Variants in KLHL5 observed in about 807,000 individuals in gnomAD.
KLHL5 encodes kelch like family member 5.
A neutral mutation model predicts 77.7 loss-of-function variants in KLHL5; 48 were observed. That is an observed-to-expected ratio of 0.62 (90% CI 0.49 to 0.79). The LOEUF (loss-of-function observed/expected upper bound fraction) is 0.79. KLHL5 is among the 30% of genes least tolerant of loss of function. The probability of loss-of-function intolerance (pLI) is 0.00; values close to 1 mark genes in which losing one functional copy is unlikely to be tolerated. For missense variants in KLHL5, 723 were observed against 859.7 expected, an observed-to-expected ratio of 0.84 and a Z score of 1.99; for synonymous variants, 260 against 297.0, an observed-to-expected ratio of 0.88 and a Z score of 1.28.
Position 39,124,714 on chromosome 4 carries a change from T to G in KLHL5, c.*3648T>G, listed in dbSNP as rs1723417105. Among the ~76,000 whole-genome samples, 1 of 141,382 alleles carries G rather than the reference T, an allele frequency of 7.1e-6. No individual in the cohort carries two copies. The highest frequency in any genetic ancestry group is 1.5e-5 in the Non-Finnish European group (1 of 66,010). The allele number at this position is 141,382 out of a possible 152,430, so 92.8% of individuals were successfully genotyped here. On this transcript the variant is annotated 3_prime_UTR_variant, in exon 11 of 11. Coordinates refer to ENST00000504108, the MANE Select transcript of KLHL5 (RefSeq NM_015990.5). ...TGTAAGAGCTAAAACCATAAAACTTTGAGAAGAAAATACAGGAATAAATCT... is the reference window on the plus strand; with the variant it reads ...TGTAAGAGCTAAAACCATAAAACTTGGAGAAGAAAATACAGGAATAAATCT...
chr4:39,089,725 T>C (rs1424488641), intron 5 of KLHL5, among the ~76,000 whole-genome samples: 1 of 152,202 alleles, frequency 6.6e-6, no homozygotes, highest in East Asian at 1.9e-4. Context: ...AGATCAGCAC[T>C]ACTGGGGAAC....
the KLHL5 span, among the ~76,000 whole-genome samples, chr4:39,135,832 G>A: frequency 6.0e-4 from 91 of 152,112 alleles, no homozygotes; most frequent in Non-Finnish European, 1.1e-3. Flanking sequence ...TGAACCTGGG[G>A]GGCAGAGGTT....
intron 6 of KLHL5, among the ~76,000 whole-genome samples, chr4:39,101,385 A>C (rs1279345495): frequency 6.6e-6 from 1 of 151,916 alleles, no homozygotes; most frequent in Admixed American, 6.6e-5. Context: ...ATATTTTAAG[A>C]TCAAATTTAG....
intron 1 of KLHL5, chr4:39,045,163 C>G (rs1017789538): frequency 9.1e-6 from 9 of 984,044 alleles, no homozygotes; most frequent in South Asian, 9.4e-5. Context: ...TTCCCGCCCC[C>G]ACGCGACTCT....
chr4:39,103,019 G>A (rs2711938), intron 6 of KLHL5, among the ~76,000 whole-genome samples: 66 of 151,532 alleles, frequency 4.4e-4, no homozygotes, highest in African/African-American at 1.5e-3. Flanking sequence ...TTTCTCCCCC[G>A]CTTCTGGGTG....
chr4:39,076,035 C>G lies in KLHL5; in HGVS notation c.454C>G (p.Gln152Glu). The G allele has an allele frequency of 6.2e-7, 1 of 1,612,066 alleles. No individual in the cohort carries two copies. The highest frequency in any genetic ancestry group is 8.5e-7 in the Non-Finnish European group (1 of 1,179,238). ...MEPCTSDEFF[Q>E]ALNHAEQTFK... The stretch of plus-strand genomic sequence containing the variant: ...GCCATGTACATCAGATGAATTTTTC[C>G]AAGCCCTTAATCATGCCGAGCAAAC... Residue 152 changes from glutamine to glutamate, a missense_variant, in exon 2 of 11, where the codon CAA becomes GAA. Around this residue, in one of 3 missense-constraint regions of KLHL5, gnomAD observed 221 missense variants for 222.1 expected, o/e 1.00. Coordinates refer to ENST00000504108, the MANE Select transcript of KLHL5 (RefSeq NM_015990.5).
intron 8 of KLHL5, among the ~76,000 whole-genome samples, chr4:39,109,609 T>A (rs1722304120): frequency 6.6e-6 from 1 of 150,874 alleles, no homozygotes; most frequent in South Asian, 2.1e-4. Context: ...TATTTTAACT[T>A]ATTTATAATT....
At chr4:39,067,829 T>A (rs1481304300) in intron 1 of KLHL5, among the ~76,000 whole-genome samples, 1 of 151,984 alleles carries the variant, frequency 6.6e-6, no homozygotes, top group African/African-American at 2.4e-5. Context: ...TACAAGCACG[T>A]ACCACCATGC....
At chr4:39,077,123 A>T (rs1719132522) in intron 2 of KLHL5, among the ~76,000 whole-genome samples, 1 of 151,928 alleles carries the variant, frequency 6.6e-6, no homozygotes, top group African/African-American at 2.4e-5. Flanking sequence ...ACATGAATAG[A>T]TAGTTCTCAA....
intron 8 of KLHL5, among the ~76,000 whole-genome samples, chr4:39,108,260 G>C (rs1481609163): frequency 6.6e-6 from 1 of 151,962 alleles, no homozygotes; most frequent in East Asian, 1.9e-4. Context: ...AATATAGGTA[G>C]AGCCATCACT....
At chr4:39,057,292 A>C (rs184868041), upstream of KLHL5, among the ~76,000 whole-genome samples, 6 of 152,254 alleles carry the variant, frequency 3.9e-5, no homozygotes, top group African/African-American at 1.4e-4. Context: ...TTTGTGGTCT[A>C]TTTCCTTATC....
intron 1 of KLHL5, among the ~76,000 whole-genome samples, chr4:39,066,112 C>T (rs1419861704): frequency 6.6e-6 from 1 of 152,200 alleles, no homozygotes; most frequent in Admixed American, 6.5e-5. Flanking sequence ...GCCTCTGTAG[C>T]CTAGCTACCT....
chr4:39,059,164 A>G (rs1239195425), upstream of KLHL5, among the ~76,000 whole-genome samples: 1 of 152,238 alleles, frequency 6.6e-6, no homozygotes, highest in Non-Finnish European at 1.5e-5. Context: ...CGGAACAGAA[A>G]AAAAAGTGTT....
chr4:39,139,101 G>C, the KLHL5 span, among the ~76,000 whole-genome samples: 3 of 152,150 alleles, frequency 2.0e-5, no homozygotes, highest in African/African-American at 7.2e-5. Flanking sequence ...GTCCAACATG[G>C]TGAAACCCCC....
chr4:39,060,171 T>C (rs890411725), upstream of KLHL5, among the ~76,000 whole-genome samples: 1 of 152,120 alleles, frequency 6.6e-6, no homozygotes, highest in African/African-American at 2.4e-5. Flanking sequence ...AAGAGCAAAA[T>C]GCTAAAAGAT....
chr4:39,115,838 C>T, intron 10 of KLHL5: 9 of 1,017,438 alleles, frequency 8.8e-6, no homozygotes, highest in Non-Finnish European at 1.1e-5. Context: ...GAAAGAATTT[C>T]ACCCTTGTGT....
At chr4:39,073,272 T>A (rs1000251037) in intron 1 of KLHL5, among the ~76,000 whole-genome samples, 1 of 152,152 alleles carries the variant, frequency 6.6e-6, no homozygotes, top group African/African-American at 2.4e-5. Flanking sequence ...ACTGGGCATA[T>A]GCCAACATCA....
intron 2 of KLHL5, among the ~76,000 whole-genome samples, chr4:39,077,694 T>TAAAAAAAAAAAAAAAAAAAAAAA (rs60744492): frequency 7.8e-6 from 1 of 128,626 alleles, no homozygotes; most frequent in African/African-American, 2.9e-5. Context: ...GAACTAAAGG[T>TAAAAAAAAAAAAAAAAAAAAAAA]AAAAAAAAAA....
intron 1 of KLHL5, among the ~76,000 whole-genome samples, chr4:39,070,354 A>G (rs762904899): frequency 5.9e-5 from 9 of 152,166 alleles, no homozygotes; most frequent in Non-Finnish European, 1.2e-4. Context: ...TAAATATTCT[A>G]TATCTTTTCA....
Sources: allele counts gnomAD v4.1 joint callset (sites outside exome capture counted in the v4.1 genomes callset), GRCh38; gene constraint gnomAD v4.1.1; regional missense constraint gnomAD v4.1.1; transcripts MANE v1.5; gene names NCBI Gene and HGNC (gene_info 2026-07-23, HGNC 2026-07-21).